ZNF608: variants seen among roughly 807,000 people sequenced by gnomAD.
The protein encoded by ZNF608 is zinc finger protein 608.
ZNF608 carries 12 observed loss-of-function variants against 109.0 expected under a neutral mutation model. That is an observed-to-expected ratio of 0.11 (90% CI 0.07 to 0.18). The LOEUF (loss-of-function observed/expected upper bound fraction) is 0.18. Ranked by LOEUF, ZNF608 falls within the 10% of genes least tolerant of loss-of-function variation. The pLI is 1.00. For synonymous variants in ZNF608, 732 were observed against 717.4 expected (o/e 1.02, Z -0.33); for missense variants, 1,707 against 1,879.3 (o/e 0.91, Z 1.70).
intron 2 of ZNF608, among the ~76,000 whole-genome samples, chr5:124,741,394 GA>G (rs34192958): frequency 0.15 from 10,070 of 67,948 alleles, 357 homozygotes; most frequent in Admixed American, 0.24. Flanking sequence ...CTTCCAACCA[GA>G]AAAAAAAAAA....
chr5:124,686,312 G>A (rs530487422), intron 3 of ZNF608, among the ~76,000 whole-genome samples: 3 of 152,326 alleles, frequency 2.0e-5, no homozygotes, highest in Non-Finnish European at 4.4e-5. Flanking sequence ...AGTCTACGAA[G>A]AGACAAGTTC....
At chr5:124,650,993 A>G (rs1750748229) in intron 3 of ZNF608, among the ~76,000 whole-genome samples, 2 of 152,254 alleles carry the variant, frequency 1.3e-5, no homozygotes, top group African/African-American at 4.8e-5. Flanking sequence ...ATTTCTTTCC[A>G]AAGTCTCAAA....
intron 3 of ZNF608, among the ~76,000 whole-genome samples, chr5:124,698,967 A>C (rs1447300816): frequency 6.6e-6 from 1 of 152,204 alleles, no homozygotes; most frequent in Admixed American, 6.5e-5. Context: ...AATAAATAAA[A>C]TCATGACAAG....
intron 2 of ZNF608, among the ~76,000 whole-genome samples, chr5:124,702,312 G>C (rs1299787578): frequency 1.3e-5 from 2 of 152,176 alleles, no homozygotes; most frequent in Admixed American, 1.3e-4. Context: ...GTTGCACATA[G>C]AAACGGCCTA....
In ZNF608 at chr5:124,637,854, T is replaced by C; in HGVS notation, c.*46A>G. ...TGGAACTGATGTCTGTATAAAGCGC[T>C]TCCCCATGTGATCCAGTCACATGAC... On this transcript the variant is annotated 3_prime_UTR_variant, in exon 10 of 10. Coordinates refer to ENST00000513986, the MANE Select transcript of ZNF608 (RefSeq NM_020747.3). The C allele has an allele frequency of 6.3e-7, 1 of 1,598,256 alleles. No homozygotes were observed. The highest frequency in any genetic ancestry group is 8.5e-7 in the Non-Finnish European group (1 of 1,171,528).
At chr5:124,712,865 A>T (rs1033211922) in intron 2 of ZNF608, among the ~76,000 whole-genome samples, 1 of 152,156 alleles carries the variant, frequency 6.6e-6, no homozygotes, top group Non-Finnish European at 1.5e-5. Context: ...ATGACTCCAC[A>T]CCATGCTGCA....
chr5:124,659,799 G>C (rs923971798), intron 3 of ZNF608, among the ~76,000 whole-genome samples: 1 of 152,208 alleles, frequency 6.6e-6, no homozygotes, highest in African/African-American at 2.4e-5. Flanking sequence ...TAAGGAGACA[G>C]TGGGAACCAA....
rs149680137 is a variant in ZNF608, at chr5:124,685,051, T to A, written c.1162+15963A>T. Among the ~76,000 whole-genome samples, 65 of 152,356 alleles carry A rather than the reference T, an allele frequency of 4.3e-4. 1 individual carries two copies. In the East Asian group the frequency reaches 7.3e-3, roughly 17 times the overall value. ...ATCTTAATAAACACAGTATTTTGTA[T>A]GAAATATAAATGCACTTTTTGCTTA... On this transcript the variant is annotated intron_variant, in intron 3 of 9. Transcript: ENST00000513986.
At chr5:124,651,682 T>C (rs1413553117) in intron 3 of ZNF608, among the ~76,000 whole-genome samples, 2 of 152,268 alleles carry the variant, frequency 1.3e-5, no homozygotes, top group Admixed American at 1.3e-4. Flanking sequence ...AAGGCTTTTG[T>C]TATTGCTTTT....
At chr5:124,740,511 G>GAA (rs5871103) in intron 2 of ZNF608, among the ~76,000 whole-genome samples, 1,589 of 144,024 alleles carry the variant, frequency 0.011, 22 homozygotes, top group African/African-American at 0.035. Context: ...CACTATATTT[G>GAA]AAAAAAAAAA....
At chr5:124,688,253 C>T (rs1752478266) in intron 3 of ZNF608, among the ~76,000 whole-genome samples, 1 of 151,900 alleles carries the variant, frequency 6.6e-6, no homozygotes, top group South Asian at 2.1e-4. Flanking sequence ...AAGTTAAGTC[C>T]CAACCTTTCT....
chr5:124,640,233 A>G (rs1490608723), intron 8 of ZNF608, among the ~76,000 whole-genome samples: 2 of 152,236 alleles, frequency 1.3e-5, no homozygotes, highest in African/African-American at 4.8e-5. Context: ...AGTGCAATAG[A>G]CTAAATTATG....
Position 124,648,327 on chromosome 5 carries a change from C to A in ZNF608, c.2057G>T (p.Cys686Phe), listed in dbSNP as rs944211691. The change falls in exon 5 of 10, where the codon TGC becomes TTC. Residue 686 changes from cysteine (C) to phenylalanine (F), a missense_variant. By Grantham distance (205) the Cys-to-Phe change is radical. Transcript: ENST00000513986. ...AGCCAAACTGCCGTCTGCTGCCGAG[C>A]AACTGTCTAACGCAGCCGTCATGTT... ...ISNMTAALDS[C>F]SAADGSLAAE... 10 of 1,614,090 alleles carry A rather than the reference C, an allele frequency of 6.2e-6. No homozygotes were observed. The highest frequency in any genetic ancestry group is 8.5e-6 in the Non-Finnish European group (10 of 1,180,054).
chr5:124,737,486 T>G (rs1287140637), intron 2 of ZNF608, among the ~76,000 whole-genome samples: 1 of 152,196 alleles, frequency 6.6e-6, no homozygotes, highest in East Asian at 1.9e-4. Context: ...CCGAAACACC[T>G]TTTCCTTTGA....
intron 1 of ZNF608, 56 bp from the exon 2 acceptor site, chr5:124,745,228 A>G: frequency 7.3e-7 from 1 of 1,365,588 alleles, no homozygotes; most frequent in South Asian, 1.8e-5. Flanking sequence ...ACCAGAATAA[A>G]AAACGATTAG....
chr5:124,665,127 G>C (rs1267560496), intron 3 of ZNF608, among the ~76,000 whole-genome samples: 1 of 151,052 alleles, frequency 6.6e-6, no homozygotes, highest in Non-Finnish European at 1.5e-5. Flanking sequence ...AGTGAGATGA[G>C]ATTGTGCCAT....
rs1214874409 is a variant in ZNF608, at chr5:124,646,745, T to C, written c.3639A>G (p.Val1213=). 4 of 1,614,118 alleles carry C rather than the reference T, an allele frequency of 2.5e-6. No homozygotes were observed. The highest frequency in any genetic ancestry group is 2.5e-6 in the Non-Finnish European group (3 of 1,180,046). ...TAGAGTCCATGACAGACTTCATTTCTACAGCCTCCTTAATAAGCTGGTGGT... is the reference window on the plus strand; with the variant it reads ...TAGAGTCCATGACAGACTTCATTTCCACAGCCTCCTTAATAAGCTGGTGGT... ...MENHQLIKEA[V]EMKSVMDSMK... is the part of the protein sequence containing the mutation. The change falls in exon 5 of 10, where the codon GTA becomes GTG. Residue 1213 remains valine, a synonymous_variant. Coordinates refer to ENST00000513986, the MANE Select transcript of ZNF608 (RefSeq NM_020747.3).
intron 2 of ZNF608, among the ~76,000 whole-genome samples, chr5:124,739,636 T>A (rs1451918917): frequency 6.6e-6 from 1 of 152,228 alleles, no homozygotes; most frequent in African/African-American, 2.4e-5. Flanking sequence ...TAAATAAAAG[T>A]GGAACTGGTT....
intron 2 of ZNF608, among the ~76,000 whole-genome samples, chr5:124,701,677 T>G (rs1487192920): frequency 2.0e-5 from 3 of 152,192 alleles, no homozygotes; most frequent in African/African-American, 7.2e-5. Context: ...AAAATTTAAG[T>G]ATAAGAGATG....
Sources: allele counts gnomAD v4.1 joint callset (sites outside exome capture counted in the v4.1 genomes callset), GRCh38; gene constraint gnomAD v4.1.1; transcripts MANE v1.5; gene names NCBI Gene and HGNC (gene_info 2026-07-23, HGNC 2026-07-21).